The following HNF1B variants were observed in gnomAD, a reference collection of about 807,000 sequenced individuals.
HNF1B encodes the protein HNF1 homeobox B.
In HNF1B, 8 loss-of-function variants were observed where a neutral mutation model predicts 61.7. The ratio of observed to expected loss-of-function variants is 0.13; its 90% CI spans 0.08 to 0.23. The LOEUF is 0.23. HNF1B is among the 10% of genes least tolerant of loss of function. The probability of loss-of-function intolerance (pLI) is 1.00; values close to 1 mark genes in which losing one functional copy is unlikely to be tolerated. For missense variants in HNF1B, 562 were observed against 714.5 expected (o/e 0.79, Z 2.43); for synonymous variants, 314 against 287.7 (o/e 1.09, Z -0.93).
At chr17:37,692,914 G>A (rs1194900742) in intron 8 of HNF1B, among the ~76,000 whole-genome samples, 1 of 152,122 alleles carries the variant, frequency 6.6e-6, no homozygotes, top group Non-Finnish European at 1.5e-5. Context: ...CACTAGGCCG[G>A]GTCCAGTGGC....
chr17:37,731,394 G>C (rs1295037100), intron 4 of HNF1B: 3 of 686,706 alleles, frequency 4.4e-6, no homozygotes, highest in Non-Finnish European at 8.0e-6. Context: ...CCCTCACAGG[G>C]CAATGGCTGA....
intron 4 of HNF1B, among the ~76,000 whole-genome samples, chr17:37,714,417 TA>T (rs2033037408): frequency 1.3e-5 from 2 of 152,218 alleles, no homozygotes; most frequent in African/African-American, 4.8e-5. Flanking sequence ...GGCTCTGGTT[TA>T]ATATTGATTA....
chr17:37,726,741 C>G (rs2033511911), intron 4 of HNF1B, among the ~76,000 whole-genome samples: 1 of 152,120 alleles, frequency 6.6e-6, no homozygotes, highest in East Asian at 1.9e-4. Context: ...GAATAGAGTT[C>G]AGCGAAAGGG....
In HNF1B at chr17:37,744,541, C is replaced by CTGA; in HGVS notation, c.341_343dup (p.Leu114_Ser115insIle). On this transcript the variant is annotated inframe_insertion and splice_region_variant, in exon 1 of 9. Coordinates refer to ENST00000617811, the MANE Select transcript of HNF1B (RefSeq NM_000458.4). ...CCCCTCCACCTCGCTCTGCGCCTAC[C>CTGA]TGAGCATCCGGTCCACCTCCGCCCG... 6.2e-7 allele frequency: 1 copy of CTGA among 1,601,956 alleles called. No homozygotes were observed. The highest frequency in any genetic ancestry group is 1.1e-5 in the South Asian group (1 of 91,062).
At chr17:37,715,562 G>C (rs2033080357) in intron 4 of HNF1B, among the ~76,000 whole-genome samples, 1 of 152,196 alleles carries the variant, frequency 6.6e-6, no homozygotes, top group Non-Finnish European at 1.5e-5. Flanking sequence ...CAATGCTCCT[G>C]TGTGTACATA....
intron 4 of HNF1B, among the ~76,000 whole-genome samples, chr17:37,718,238 G>T (rs2033189287): frequency 2.0e-5 from 3 of 152,162 alleles, no homozygotes; most frequent in African/African-American, 4.8e-5. Flanking sequence ...TTGCACATGT[G>T]GGGAGGTAGA....
At chr17:37,701,309 G>A in intron 6 of HNF1B, 132 bp from the exon 7 acceptor site, 1 of 837,354 alleles carries the variant, frequency 1.2e-6, no homozygotes, top group Non-Finnish European at 2.0e-6. Context: ...TTCCATGGGA[G>A]GCAAGTGTAA....
intron 4 of HNF1B, among the ~76,000 whole-genome samples, chr17:37,711,571 C>T (rs2032936215): frequency 6.6e-6 from 1 of 152,204 alleles, no homozygotes; most frequent in Non-Finnish European, 1.5e-5. Context: ...GCTAAAAGAA[C>T]GCCTGGGTCC....
Position 37,686,934 on chromosome 17 carries a change from TG to T in HNF1B, c.*437del, listed in dbSNP as rs1373158045. 1.2e-5 allele frequency: 4 copies of T among 346,902 alleles called. No homozygotes were observed. Among genetic ancestry groups the T allele is most frequent in the South Asian group, 3.0e-5 (1 of 32,890 alleles). 21.5% of individuals were successfully genotyped at this position (346,902 alleles called of 1,614,324 possible). A position where few individuals can be genotyped will look rare whatever the true frequency, so the allele number is the denominator to read the frequency against. On this transcript the variant is annotated 3_prime_UTR_variant, in exon 9 of 9. Transcript: ENST00000617811. ...AAAGAAATCTCAAGATCATTTGGGATGGGGGCAGGGGAGGGAGTCTGTGGAT... is the reference window on the plus strand; with the variant it reads ...AAAGAAATCTCAAGATCATTTGGGATGGGGCAGGGGAGGGAGTCTGTGGAT...
At chr17:37,721,771 T>C (rs2033326358) in intron 4 of HNF1B, among the ~76,000 whole-genome samples, 2 of 151,748 alleles carry the variant, frequency 1.3e-5, no homozygotes, top group South Asian at 4.2e-4. Context: ...CGGGCTGTAC[T>C]GCAGTGGCGC....
Position 37,690,003 on chromosome 17 carries a change from G to GCACACACACA in HNF1B, c.1654-2621_1654-2612dup, listed in dbSNP as rs5820231. ...ATAATAAACAAGTAAACAAATGCGT[G>GCACACACACA]CACACACACACACACACACACACAC... On this transcript the variant is annotated intron_variant, in intron 8 of 8. Coordinates refer to ENST00000617811, the MANE Select transcript of HNF1B (RefSeq NM_000458.4). Among the ~76,000 whole-genome samples the GCACACACACA allele has an allele frequency of 2.0e-5, 3 of 148,876 alleles. No homozygotes were observed. In the South Asian group the frequency reaches 6.5e-4, roughly 32 times the overall value.
chr17:37,701,212 C>T (rs2032560127), intron 6 of HNF1B, 35 bp from the exon 7 acceptor site: 1 of 1,541,844 alleles, frequency 6.5e-7, no homozygotes, highest in Admixed American at 2.0e-5. Flanking sequence ...ACAGACAGCT[C>T]CTGGGATAAG....
intron 5 of HNF1B, among the ~76,000 whole-genome samples, chr17:37,707,705 A>G (rs1392095000): frequency 6.6e-6 from 1 of 151,892 alleles, no homozygotes; most frequent in African/African-American, 2.4e-5. Flanking sequence ...TGAGCTTTTC[A>G]CCATTAGGAC....
intron 6 of HNF1B, among the ~76,000 whole-genome samples, chr17:37,704,093 A>G (rs572447086): frequency 1.3e-5 from 2 of 152,376 alleles, no homozygotes; most frequent in African/African-American, 2.4e-5. Flanking sequence ...TTTGAGAAAC[A>G]ACGACACCTG....
At chr17:37,708,909 G>T (rs561963224) in intron 5 of HNF1B, among the ~76,000 whole-genome samples, 1 of 152,212 alleles carries the variant, frequency 6.6e-6, no homozygotes, top group African/African-American at 2.4e-5. Context: ...TTCCTCCAGG[G>T]AGCCAGGGAC....
intron 3 of HNF1B, 70 bp downstream of exon 3, chr17:37,733,487 A>T (rs758040334): frequency 4.1e-5 from 65 of 1,572,734 alleles, no homozygotes; most frequent in Non-Finnish European, 5.4e-5. Context: ...TCAATATCCC[A>T]GGACCGAGGG....
chr17:37,687,273 G>T lies in HNF1B; in HGVS notation c.*99C>A, dbSNP rs2229295. On this transcript the variant is annotated 3_prime_UTR_variant, in exon 9 of 9. Coordinates refer to ENST00000617811, the MANE Select transcript of HNF1B (RefSeq NM_000458.4). ...TAAGCAGGGACCTCTCGCAGGTGCT[G>T]GTCAGGTCACTGGGCTTTTCCATGA... 299,223 of 1,603,650 alleles carry T rather than the reference G, an allele frequency of 0.19. 32,572 individuals carry two copies. Among genetic ancestry groups the T allele is most frequent in the African/African-American group, 0.5 (37,505 of 74,690 alleles).
At chr17:37,742,964 C>G (rs1170794028) in intron 1 of HNF1B, among the ~76,000 whole-genome samples, 2 of 145,936 alleles carry the variant, frequency 1.4e-5, no homozygotes, top group Non-Finnish European at 3.0e-5. Context: ...TAACCCGCCT[C>G]TCTTTTCAAC....
chr17:37,742,480 T>A (rs539059387), intron 1 of HNF1B, among the ~76,000 whole-genome samples: 1 of 152,196 alleles, frequency 6.6e-6, no homozygotes, highest in Non-Finnish European at 1.5e-5. Context: ...TGCCCGAGGC[T>A]TGGGAGCCCC....
Sources: allele counts gnomAD v4.1 joint callset (sites outside exome capture counted in the v4.1 genomes callset), GRCh38; gene constraint gnomAD v4.1.1; transcripts MANE v1.5; gene names NCBI Gene and HGNC (gene_info 2026-07-23, HGNC 2026-07-21).